The following LHFPL4 variants were observed in gnomAD, a reference collection of about 807,000 sequenced individuals.
LHFPL4 encodes LHFPL tetraspan subfamily member 4 protein.
Under a neutral mutation model 20.0 loss-of-function variants are expected in LHFPL4, and 6 were observed. The ratio of observed to expected loss-of-function variants is 0.30; its 90% CI spans 0.16 to 0.59. The LOEUF (loss-of-function observed/expected upper bound fraction) is 0.59. Ranked by LOEUF, LHFPL4 falls within the 20% of genes least tolerant of loss-of-function variation. The pLI, the probability that LHFPL4 is intolerant of heterozygous loss-of-function variation, is 0.88. For missense variants in LHFPL4, 215 were observed against 331.2 expected (o/e 0.65, Z 2.72); for synonymous variants, 129 against 143.8 (o/e 0.90, Z 0.74).
At chr3:9,514,277 A>G (rs1391765425) in intron 2 of LHFPL4, among the ~76,000 whole-genome samples, 1 of 152,254 alleles carries the variant, frequency 6.6e-6, no homozygotes, top group Non-Finnish European at 1.5e-5. Flanking sequence ...CCACAAAAAA[A>G]TTAAAAAATA....
At chr3:9,510,252 A>G (rs1439904141) in intron 2 of LHFPL4, among the ~76,000 whole-genome samples, 2 of 151,934 alleles carry the variant, frequency 1.3e-5, no homozygotes, top group Non-Finnish European at 2.9e-5. Flanking sequence ...GGAGTTTAAG[A>G]CCAGCCTGGG....
At chr3:9,553,369 C>A (rs1281781805) in intron 1 of LHFPL4, among the ~76,000 whole-genome samples, 38 of 78,704 alleles carry the variant, frequency 4.8e-4, no homozygotes, top group South Asian at 1.1e-3. Context: ...AGAGCGGGAT[C>A]GGGGGCTGGG....
chr3:9,522,917 T>C (rs867601389), intron 2 of LHFPL4, among the ~76,000 whole-genome samples: 65 of 150,656 alleles, frequency 4.3e-4, no homozygotes, highest in African/African-American at 1.5e-3. Flanking sequence ...GGTGGGTGCA[T>C]GTAGTCCCAG....
intron 2 of LHFPL4, among the ~76,000 whole-genome samples, chr3:9,529,331 A>G (rs192792629): frequency 6.6e-6 from 1 of 152,214 alleles, no homozygotes; most frequent in African/African-American, 2.4e-5. Context: ...CCGGCCATGA[A>G]TCACCAATGT....
At chr3:9,544,120 G>T (rs573977941) in intron 2 of LHFPL4, among the ~76,000 whole-genome samples, 1 of 152,104 alleles carries the variant, frequency 6.6e-6, no homozygotes, top group Non-Finnish European at 1.5e-5. Context: ...TCTTGGAAAG[G>T]GTACTCAAGA....
intron 2 of LHFPL4, chr3:9,550,606 C>A (rs988520101): frequency 6.6e-6 from 1 of 152,310 alleles, no homozygotes; most frequent in East Asian, 1.9e-4. Flanking sequence ...AGGTCAGCAA[C>A]CCATCTGCAG....
At chr3:9,549,393 G>C (rs2046538021) in intron 2 of LHFPL4, among the ~76,000 whole-genome samples, 1 of 152,148 alleles carries the variant, frequency 6.6e-6, no homozygotes, top group Non-Finnish European at 1.5e-5. Flanking sequence ...TAAAATACTT[G>C]AATAAAAGTT....
chr3:9,547,660 G>A (rs140146848), intron 2 of LHFPL4, among the ~76,000 whole-genome samples: 6 of 152,300 alleles, frequency 3.9e-5, no homozygotes, highest in Middle Eastern at 3.4e-3. Flanking sequence ...GGGAACAACC[G>A]GGTAAAAAAC....
chr3:9,543,833 G>A lies in LHFPL4; in HGVS notation c.406+8441C>T, dbSNP rs148807368. Among the ~76,000 whole-genome samples, 799 of 148,140 alleles carry A rather than the reference G, an allele frequency of 5.4e-3. 9 individuals are homozygous for A. The highest frequency in any genetic ancestry group is 0.018 in the African/African-American group (718 of 40,124). ...GCGGCCTTGACCTCTCTGGGCTCAGGTGACCCTTCCATCTCAATCTCCTGA... is the reference window on the plus strand; with the variant it reads ...GCGGCCTTGACCTCTCTGGGCTCAGATGACCCTTCCATCTCAATCTCCTGA... On this transcript the variant is annotated intron_variant, in intron 2 of 3. Coordinates refer to ENST00000287585, the MANE Select transcript of LHFPL4 (RefSeq NM_198560.3).
chr3:9,516,662 C>G (rs7646901), intron 2 of LHFPL4, among the ~76,000 whole-genome samples: 3 of 151,572 alleles, frequency 2.0e-5, no homozygotes, highest in African/African-American at 7.3e-5. Context: ...TTAGTAGAGA[C>G]GGGGTTTCAC....
At position 9,505,183 on chromosome 3, in the gene LHFPL4, A is replaced by C. The variant is rs568367841; in HGVS notation, c.643+784T>G. Among the ~76,000 whole-genome samples the C allele has an allele frequency of 1.3e-4, 20 of 152,310 alleles. No homozygotes were observed. The South Asian group carries it at 4.1e-3, about 32-fold the overall frequency. ...ACCCGAGGTGGGTTTGCTGGGTCAC[A>C]GGCAAATGATCAGATCTGAGGCAGA... On this transcript the variant is annotated intron_variant, in intron 3 of 3. Coordinates refer to ENST00000287585, the MANE Select transcript of LHFPL4 (RefSeq NM_198560.3).
chr3:9,502,334 G>A (rs2046183114), intron 3 of LHFPL4, 23 bp from the exon 4 acceptor site: 1 of 1,441,020 alleles, frequency 6.9e-7, no homozygotes, highest in Non-Finnish European at 9.8e-7. Flanking sequence ...GAGAGAGAGA[G>A]AAGGAGAGAG....
At chr3:9,504,951 C>G (rs2046207026) in intron 3 of LHFPL4, among the ~76,000 whole-genome samples, 1 of 151,014 alleles carries the variant, frequency 6.6e-6, no homozygotes, top group African/African-American at 2.4e-5. Flanking sequence ...TTTTTTCCCC[C>G]TCTCTCAACA....
At chr3:9,520,608 T>A (rs891159523) in intron 2 of LHFPL4, among the ~76,000 whole-genome samples, 2 of 152,134 alleles carry the variant, frequency 1.3e-5, no homozygotes, top group Admixed American at 1.3e-4. Flanking sequence ...CCACTCAAAG[T>A]GCTGAAATTA....
At chr3:9,548,323 G>T (rs2046530568) in intron 2 of LHFPL4, among the ~76,000 whole-genome samples, 2 of 152,192 alleles carry the variant, frequency 1.3e-5, no homozygotes, top group Admixed American at 6.5e-5. Context: ...AATGATAACA[G>T]TCATAGCAGT....
chr3:9,537,041 G>A lies in LHFPL4; in HGVS notation c.406+15233C>T, dbSNP rs143319512. 5.9e-3 allele frequency among the ~76,000 whole-genome samples: 894 copies of A among 152,114 alleles called. 11 individuals are homozygous for A. The highest frequency in any genetic ancestry group is 0.019 in the African/African-American group (803 of 41,496). On this transcript the variant is annotated intron_variant, in intron 2 of 3. Coordinates refer to ENST00000287585, the MANE Select transcript of LHFPL4 (RefSeq NM_198560.3). Reference sequence around the variant, plus strand: ...TTTGAGGCTACAGTGAGCTATGATCGTGCCACTGTACTGCAGCCTGGGCAA... The same window carrying A: ...TTTGAGGCTACAGTGAGCTATGATCATGCCACTGTACTGCAGCCTGGGCAA...
chr3:9,504,782 G>A (rs191614780), intron 3 of LHFPL4, among the ~76,000 whole-genome samples: 8 of 148,928 alleles, frequency 5.4e-5, no homozygotes, highest in African/African-American at 1.5e-4. Context: ...TGGAGATCGC[G>A]CCACTGCACT....
intron 2 of LHFPL4, among the ~76,000 whole-genome samples, chr3:9,548,096 G>A (rs2046528066): frequency 6.6e-6 from 1 of 152,062 alleles, no homozygotes; most frequent in Admixed American, 6.6e-5. Flanking sequence ...ATGAGCCACC[G>A]AGCCTGGCTG....
intron 2 of LHFPL4, among the ~76,000 whole-genome samples, chr3:9,550,441 T>C (rs2046546115): frequency 6.6e-6 from 1 of 152,168 alleles, no homozygotes; most frequent in South Asian, 2.1e-4. Context: ...CTATACTCAG[T>C]TTCCTCTCTC....
Sources: allele counts gnomAD v4.1 joint callset (sites outside exome capture counted in the v4.1 genomes callset), GRCh38; gene constraint gnomAD v4.1.1; transcripts MANE v1.5; gene names NCBI Gene and HGNC (gene_info 2026-07-23, HGNC 2026-07-21).